The following ANAPC7 variants were observed in gnomAD, a reference collection of about 807,000 sequenced individuals.
ANAPC7 encodes the protein anaphase-promoting complex subunit 7.
A neutral mutation model predicts 63.3 loss-of-function variants in ANAPC7; 25 were observed. The ratio of observed to expected loss-of-function variants is 0.39; its 90% CI spans 0.29 to 0.55. The LOEUF (loss-of-function observed/expected upper bound fraction) is 0.55, where lower values mean the gene tolerates loss of function less well. Among genes scored for constraint, ANAPC7 ranks in the 20% least tolerant of loss-of-function variants. ANAPC7 has a pLI of 0.57. For synonymous variants in ANAPC7, 241 were observed against 251.7 expected (o/e 0.96, Z 0.40); for missense variants, 516 against 691.7 (o/e 0.75, Z 2.85).
Position 110,403,669 on chromosome 12 carries a change from C to T in ANAPC7, c.-42G>A, listed in dbSNP as rs1383970168. ...GCGGGCAGCGGCGGCAGCACTGACT[C>T]GAAAAGCCGGTAGAGGATCCTTAGG... On this transcript the variant is annotated 5_prime_UTR_variant, in exon 1 of 11. Coordinates refer to ENST00000455511, the MANE Select transcript of ANAPC7 (RefSeq NM_016238.3). The T allele has an allele frequency of 1.3e-6, 2 of 1,561,482 alleles. No individual in the cohort carries two copies. The highest frequency in any genetic ancestry group is 2.7e-5 in the African/African-American group (2 of 73,702).
chr12:110,381,950 TGGA>T lies in ANAPC7; in HGVS notation c.936-5_936-3del. On this transcript the variant is annotated splice_polypyrimidine_tract_variant and splice_region_variant and intron_variant, in intron 7 of 10. Coordinates refer to ENST00000455511, the MANE Select transcript of ANAPC7 (RefSeq NM_016238.3). Reference sequence around the variant, plus strand: ...CGTTTGCTATAGAAGCTGTGACAGCTGGAGAAAAAAAAAAAAAAAAAAACACAA... The same window carrying T: ...CGTTTGCTATAGAAGCTGTGACAGCTGAAAAAAAAAAAAAAAAAAACACAA... The T allele has an allele frequency of 1.6e-6, 1 of 632,336 alleles. No homozygotes were observed. Among genetic ancestry groups the T allele is most frequent in the South Asian group, 2.3e-5 (1 of 43,878 alleles). The allele number at this position is 632,336 out of a possible 1,614,324, so 39.2% of individuals were successfully genotyped here.
chr12:110,384,362 C>T (rs145424066), intron 6 of ANAPC7, among the ~76,000 whole-genome samples: 9 of 151,952 alleles, frequency 5.9e-5, no homozygotes, highest in African/African-American at 9.6e-5. Flanking sequence ...GTGCCACTCC[C>T]GCCTGAGTGA....
At chr12:110,403,311 C>T (rs2062260583) in intron 1 of ANAPC7, among the ~76,000 whole-genome samples, 1 of 152,162 alleles carries the variant, frequency 6.6e-6, no homozygotes, top group Non-Finnish European at 1.5e-5. Context: ...TCCAAGCCGC[C>T]GCTCGCCACA....
At chr12:110,380,266 A>G (rs1881693970) in intron 8 of ANAPC7, among the ~76,000 whole-genome samples, 1 of 150,190 alleles carries the variant, frequency 6.7e-6, no homozygotes. Flanking sequence ...CAGGAGAATC[A>G]CTTAAACCCG....
rs77558255 is a variant in ANAPC7 at position 110,382,162 on chromosome 12, A to G, written c.936-214T>C. Among the ~76,000 whole-genome samples the G allele has an allele frequency of 8.2e-3, 1,246 of 151,860 alleles. 1 individual carries two copies. The highest frequency in any genetic ancestry group is 9.4e-3 in the Non-Finnish European group (639 of 67,942). On this transcript the variant is annotated intron_variant, in intron 7 of 10. Coordinates refer to ENST00000455511, the MANE Select transcript of ANAPC7 (RefSeq NM_016238.3). ...TTAAGGGGAAATCTTGATATGGAAG[A>G]GAAAAATTATGAAAAAGAACCTATG...
At chr12:110,382,985 A>C (rs573972345) in intron 6 of ANAPC7, 25 bp from the exon 7 acceptor site, 1 of 1,584,382 alleles carries the variant, frequency 6.3e-7, no homozygotes, top group South Asian at 1.1e-5. Flanking sequence ...CATAGTGAGA[A>C]GAGGTGTTTT....
chr12:110,374,092 C>G lies in ANAPC7; in HGVS notation c.*52G>C. 1 of 1,531,722 alleles carries G rather than the reference C, an allele frequency of 6.5e-7. No homozygotes were observed. 94.9% of individuals were successfully genotyped at this position (1,531,722 alleles called of 1,614,324 possible). A position where few individuals can be genotyped will look rare whatever the true frequency, so the allele number is the denominator to read the frequency against. On this transcript the variant is annotated 3_prime_UTR_variant, in exon 11 of 11. Transcript: ENST00000455511. Reference sequence around the variant, plus strand: ...AGGCTCCTACGGTTCCTTCAGTCCACGGAAGTGCTCAGAGCAGGGCAGGCC... The same window carrying G: ...AGGCTCCTACGGTTCCTTCAGTCCAGGGAAGTGCTCAGAGCAGGGCAGGCC...
At chr12:110,378,079 C>T (rs1015220694) in intron 8 of ANAPC7, 1 of 162,194 alleles carries the variant, frequency 6.2e-6, no homozygotes, top group Admixed American at 5.8e-5. Context: ...ATGGAAGACT[C>T]CTAGGGTCTT....
intron 2 of ANAPC7, 39 bp downstream of exon 2, chr12:110,396,225 CAA>C (rs369613988): frequency 0.012 from 14,636 of 1,236,648 alleles, no homozygotes; most frequent in Admixed American, 0.017. Context: ...GAGTCTTTCT[CAA>C]AAAAAAAAAA....
At chr12:110,390,131 C>T (rs1270858793) in intron 3 of ANAPC7, among the ~76,000 whole-genome samples, 1 of 151,584 alleles carries the variant, frequency 6.6e-6, no homozygotes, top group Non-Finnish European at 1.5e-5. Flanking sequence ...TGCGATGGCA[C>T]GATCTCAGCT....
At position 110,381,954 on chromosome 12, in the gene ANAPC7, GAAA is replaced by G. The variant is rs35699984; in HGVS notation, c.936-9_936-7del. The stretch of plus-strand genomic sequence containing the variant: ...TGCTATAGAAGCTGTGACAGCTGGA[GAAA>G]AAAAAAAAAAAAAAAACACAAAAAC... On this transcript the variant is annotated splice_polypyrimidine_tract_variant and splice_region_variant and intron_variant, in intron 7 of 10. Coordinates refer to ENST00000455511, the MANE Select transcript of ANAPC7 (RefSeq NM_016238.3). 6.4e-3 allele frequency: 6,193 copies of G among 969,706 alleles called. 5 individuals are homozygous for G. The highest frequency in any genetic ancestry group is 9.7e-3 in the Middle Eastern group (24 of 2,482). The allele number at this position is 969,706 out of a possible 1,614,324, so 60.1% of individuals were successfully genotyped here.
rs1881204555 is a variant in ANAPC7 at position 110,375,723 on chromosome 12, A to G, written c.1508+343T>C. 5.1e-6 allele frequency: 5 copies of G among 975,852 alleles called. No individual in the cohort carries two copies. In the South Asian group the frequency reaches 1.9e-4, roughly 37 times the overall value. The allele number at this position is 975,852 out of a possible 1,614,324, so 60.4% of individuals were successfully genotyped here. A position where few individuals can be genotyped will look rare whatever the true frequency, so the allele number is the denominator to read the frequency against. ...AGAAACATGGGAAAGTACTTACAATACTTTGATTTGAAAAAGAAGAATATA... is the reference window on the plus strand; with the variant it reads ...AGAAACATGGGAAAGTACTTACAATGCTTTGATTTGAAAAAGAAGAATATA... On this transcript the variant is annotated intron_variant, in intron 10 of 10. Coordinates refer to ENST00000455511, the MANE Select transcript of ANAPC7 (RefSeq NM_016238.3).
At chr12:110,399,731 A>G (rs891127393) in intron 1 of ANAPC7, among the ~76,000 whole-genome samples, 1 of 150,116 alleles carries the variant, frequency 6.7e-6, no homozygotes, top group Non-Finnish European at 1.5e-5. Flanking sequence ...TGGAGGTTGC[A>G]GTGAGCCAAG....
rs992676018 is a variant in ANAPC7 at position 110,382,908 on chromosome 12, A to C, written c.870T>G (p.Val290=). Reference sequence around the variant, plus strand: ...TGAAAAGGCGGCATCCAAGGTTCTCAACATCCTCTAGCCGCCCTTCTCGTG... The same window carrying C: ...TGAAAAGGCGGCATCCAAGGTTCTCCACATCCTCTAGCCGCCCTTCTCGTG... ...LLAREGRLED[V]ENLGCRLFNI... Residue 290 remains valine (V), a synonymous_variant, in exon 7 of 11, where the codon GTT becomes GTG. Transcript: ENST00000455511. 1 of 1,613,934 alleles carries C rather than the reference A, an allele frequency of 6.2e-7. No individual in the cohort carries two copies. The highest frequency in any genetic ancestry group is 1.3e-5 in the African/African-American group (1 of 74,932).
intron 2 of ANAPC7, 53 bp downstream of exon 2, chr12:110,396,213 T>TG (rs1326863934): frequency 2.2e-5 from 33 of 1,516,016 alleles, no homozygotes; most frequent in African/African-American, 2.8e-5. Flanking sequence ...TCTAAATTCT[T>TG]GGAGTCTTTC....
At chr12:110,377,736 G>A (rs1030579703) in intron 8 of ANAPC7, 119 bp from the exon 9 acceptor site, 8 of 1,518,480 alleles carry the variant, frequency 5.3e-6, no homozygotes, top group Non-Finnish European at 7.1e-6. Context: ...GCAGGCCACG[G>A]GAAACTGATG....
intron 3 of ANAPC7, 102 bp downstream of exon 3, chr12:110,394,999 G>T: frequency 7.4e-7 from 1 of 1,354,852 alleles, no homozygotes; most frequent in South Asian, 1.6e-5. Flanking sequence ...TTAGAATCAT[G>T]GGTAAAATGT....
intron 10 of ANAPC7, 167 bp downstream of exon 10, chr12:110,375,899 T>G (rs539641816): frequency 1.5e-6 from 2 of 1,316,706 alleles, no homozygotes; most frequent in Non-Finnish European, 1.9e-6. Context: ...TAAGAAAAAA[T>G]TTTTAGAAGT....
At chr12:110,387,504 A>C (rs1882722116) in intron 5 of ANAPC7, 1 of 372,080 alleles carries the variant, frequency 2.7e-6, no homozygotes, top group Non-Finnish European at 4.8e-6. Flanking sequence ...AAGGGTTACT[A>C]CCTGTGCAGG....
Sources: gnomAD v4.1 joint callset for allele counts (sites outside exome capture counted in the v4.1 genomes callset) on GRCh38, gnomAD v4.1.1 for gene constraint, MANE v1.5 for transcripts, NCBI Gene and HGNC (gene_info 2026-07-23, HGNC 2026-07-21) for gene names.